The following ATXN10 variants were observed in gnomAD, a reference collection of about 807,000 sequenced individuals.
The protein encoded by ATXN10 is ataxin-10.
ATXN10 carries 28 observed loss-of-function variants against 52.9 expected under a neutral mutation model. That is an observed-to-expected ratio of 0.53 (90% CI 0.39 to 0.73). The LOEUF (loss-of-function observed/expected upper bound fraction) is 0.73, where lower values mean the gene tolerates loss of function less well. Ranked by LOEUF, ATXN10 falls within the 30% of genes least tolerant of loss-of-function variation. ATXN10 has a pLI of 0.00. For missense variants in ATXN10, 565 were observed against 577.0 expected (o/e 0.98, Z 0.21); for synonymous variants, 226 against 221.5 (o/e 1.02, Z -0.18).
chr22:45,769,370 A>G lies in ATXN10; in HGVS notation c.1173+28832A>G, dbSNP rs1367121423. Among the ~76,000 whole-genome samples, 3 of 152,012 alleles carry G rather than the reference A, an allele frequency of 2.0e-5. No individual in the cohort carries two copies. The highest frequency in any genetic ancestry group is 6.6e-5 in the Admixed American group (1 of 15,256). ...CTACAGGATCTGCTTGGTACAGGGC[A>G]CTGTGCTAGGTAGATGGGAGAATCA... On this transcript the variant is annotated intron_variant, in intron 9 of 11. Coordinates refer to ENST00000252934, the MANE Select transcript of ATXN10 (RefSeq NM_013236.4). The surrounding 1 kb of genome is among the most constrained non-coding windows in gnomAD (Gnocchi z 4.2).
chr22:45,676,515 T>C (rs1250103454), intron 1 of ATXN10: 1 of 152,058 alleles, frequency 6.6e-6, no homozygotes, highest in East Asian at 1.9e-4. Flanking sequence ...GTTTCACTCT[T>C]GTTGCCCAGG....
intron 6 of ATXN10, among the ~76,000 whole-genome samples, chr22:45,720,592 G>T (rs1352864444): frequency 1.3e-5 from 2 of 152,112 alleles, no homozygotes; most frequent in Non-Finnish European, 2.9e-5. Context: ...TTTTCATCTT[G>T]TGTATCAGAA....
rs1234038004 is a variant in ATXN10, at chr22:45,789,733, G to A, written c.1174-17226G>A. ...AGCTTTGGCCGTTAGGGATGTAGGA[G>A]TGTGTCCTTCCTTTGGAGAGAAGCT... On this transcript the variant is annotated intron_variant, in intron 9 of 11. Transcript: ENST00000252934. This position sits in a 1 kb window ranked among gnomAD's most constrained non-coding sequence, Gnocchi z 4.0. Among the ~76,000 whole-genome samples the A allele has an allele frequency of 6.6e-6, 1 of 152,212 alleles. No individual in the cohort carries two copies. Among genetic ancestry groups the A allele is most frequent in the Non-Finnish European group, 1.5e-5 (1 of 68,046 alleles).
At chr22:45,803,928 G>C (rs1928014049) in intron 9 of ATXN10, among the ~76,000 whole-genome samples, 1 of 152,030 alleles carries the variant, frequency 6.6e-6, no homozygotes, top group Non-Finnish European at 1.5e-5. Context: ...CTCTATAGTG[G>C]TCGAACCCTC....
At chr22:45,738,677 T>C in intron 7 of ATXN10, 54 bp from the exon 8 acceptor site, 2 of 1,354,216 alleles carry the variant, frequency 1.5e-6, no homozygotes, top group Non-Finnish European at 1.0e-6. Context: ...TTTATAACAG[T>C]TAAATAATTT....
chr22:45,809,971 G>C (rs1456583630), intron 10 of ATXN10, among the ~76,000 whole-genome samples: 1 of 151,888 alleles, frequency 6.6e-6, no homozygotes, highest in Non-Finnish European at 1.5e-5. Flanking sequence ...TTTTGCACGT[G>C]TATCTTGTTT....
At chr22:45,672,577 C>T (rs1309800734) in intron 1 of ATXN10, 5 of 153,008 alleles carry the variant, frequency 3.3e-5, no homozygotes, top group Admixed American at 2.6e-4. Context: ...GCGGGAGAGA[C>T]CCGTGTTACG....
At chr22:45,751,739 G>GAA (rs1925959977) in intron 9 of ATXN10, among the ~76,000 whole-genome samples, 2 of 14,096 alleles carry the variant, frequency 1.4e-4, no homozygotes, top group South Asian at 4.4e-3. Context: ...ACCTTTTTCT[G>GAA]GAAAAAAAAA....
chr22:45,694,202 T>G lies in ATXN10; in HGVS notation c.391+1124T>G, dbSNP rs1923497040. ...CTTTAGACTCATTAGTAGAATGGTT[T>G]TGGTCTTTGTTCTTCTAGCATCAAC... On this transcript the variant is annotated intron_variant, in intron 3 of 11. Coordinates refer to ENST00000252934, the MANE Select transcript of ATXN10 (RefSeq NM_013236.4). Among the ~76,000 whole-genome samples, 4 of 152,284 alleles carry G rather than the reference T, an allele frequency of 2.6e-5. No individual in the cohort carries two copies. In the South Asian group the frequency reaches 8.3e-4, roughly 32 times the overall value.
At chr22:45,692,282 G>A (rs1923414596) in intron 2 of ATXN10, among the ~76,000 whole-genome samples, 1 of 152,074 alleles carries the variant, frequency 6.6e-6, no homozygotes, top group African/African-American at 2.4e-5. Flanking sequence ...GTTATCGGTG[G>A]TCTTTTGGTA....
At chr22:45,747,807 G>C (rs756642216) in intron 9 of ATXN10, among the ~76,000 whole-genome samples, 2 of 151,982 alleles carry the variant, frequency 1.3e-5, no homozygotes, top group Non-Finnish European at 2.9e-5. Flanking sequence ...TCATGTATAG[G>C]AAGTATCTCA....
chr22:45,701,494 C>CA lies in ATXN10; in HGVS notation c.488+1119dup, dbSNP rs1263564764. 6.6e-6 allele frequency among the ~76,000 whole-genome samples: 1 copy of CA among 152,004 alleles called. No individual in the cohort carries two copies. The highest frequency in any genetic ancestry group is 1.5e-5 in the Non-Finnish European group (1 of 68,006). ...GCTCATGGAATTTCTCAAATTCCTGCAAATAATTAAGAGTTGAAGGTGTAT... is the reference window on the plus strand; with the variant it reads ...GCTCATGGAATTTCTCAAATTCCTGCAAAATAATTAAGAGTTGAAGGTGTAT... On this transcript the variant is annotated intron_variant, in intron 4 of 11. Transcript: ENST00000252934. This position sits in a 1 kb window ranked among gnomAD's most constrained non-coding sequence, Gnocchi z 4.2.
At chr22:45,698,157 A>G (rs1036302125) in intron 3 of ATXN10, among the ~76,000 whole-genome samples, 15 of 152,078 alleles carry the variant, frequency 9.9e-5, no homozygotes, top group Admixed American at 9.8e-4. Flanking sequence ...TTTTGGGTGT[A>G]TACCTAGGAA....
intron 9 of ATXN10, among the ~76,000 whole-genome samples, chr22:45,756,201 A>G (rs1926169222): frequency 6.6e-6 from 1 of 152,122 alleles, no homozygotes; most frequent in African/African-American, 2.4e-5. Flanking sequence ...GCTGGAGTGC[A>G]GTGGTGTGAA....
chr22:45,680,714 T>G (rs1331521846), intron 1 of ATXN10, among the ~76,000 whole-genome samples: 1 of 151,960 alleles, frequency 6.6e-6, no homozygotes, highest in Non-Finnish European at 1.5e-5. Context: ...TCCTCCTGCC[T>G]CAGCCTCCCA....
At chr22:45,734,213 T>G (rs1418819559) in intron 7 of ATXN10, among the ~76,000 whole-genome samples, 3 of 152,220 alleles carry the variant, frequency 2.0e-5, no homozygotes, top group African/African-American at 7.2e-5. Flanking sequence ...TTTAAAAACT[T>G]TAGAGAGATT....
intron 9 of ATXN10, among the ~76,000 whole-genome samples, chr22:45,794,439 A>G (rs956909558): frequency 4.2e-5 from 6 of 142,342 alleles, no homozygotes; most frequent in African/African-American, 1.3e-4. Flanking sequence ...TTTTAATTCT[A>G]TTCTTTCTTA....
intron 9 of ATXN10, among the ~76,000 whole-genome samples, chr22:45,797,467 A>G (rs1927783997): frequency 6.6e-6 from 1 of 152,282 alleles, no homozygotes; most frequent in African/African-American, 2.4e-5. Flanking sequence ...CCCACATGTC[A>G]TAGACACAAC....
At position 45,763,563 on chromosome 22, in the gene ATXN10, T is replaced by G. The variant is rs1926474648; in HGVS notation, c.1173+23025T>G. On this transcript the variant is annotated intron_variant, in intron 9 of 11. Transcript: ENST00000252934. This position sits in a 1 kb window ranked among gnomAD's most constrained non-coding sequence, Gnocchi z 6.9. ...ACAGGTCTTTCCTGCCCCCTACCTG[T>G]TAAAAGTCGGACCCCACCACGCCCC... Among the ~76,000 whole-genome samples the G allele has an allele frequency of 6.6e-6, 1 of 152,144 alleles. No homozygotes were observed. Among genetic ancestry groups the G allele is most frequent in the Non-Finnish European group, 1.5e-5 (1 of 68,010 alleles).
Sources: gnomAD v4.1 joint callset for allele counts (sites outside exome capture counted in the v4.1 genomes callset) on GRCh38, gnomAD v4.1.1 for gene constraint, Gnocchi (gnomAD v3.1) non-coding constraint, MANE v1.5 for transcripts, NCBI Gene and HGNC (gene_info 2026-07-23, HGNC 2026-07-21) for gene names.